The following WDR86 variants were observed in gnomAD, a reference collection of about 807,000 sequenced individuals.
WDR86 encodes the protein WD repeat-containing protein 86.
A neutral mutation model predicts 36.5 loss-of-function variants in WDR86; 30 were observed. The observed-to-expected ratio is 0.82, with a 90% CI of 0.61 to 1.11. The LOEUF is 1.11. Among genes scored for constraint, WDR86 ranks in the 50% most tolerant of loss-of-function variants. The probability of loss-of-function intolerance (pLI) is 0.00; values close to 1 mark genes in which losing one functional copy is unlikely to be tolerated. For synonymous variants in WDR86, 255 were observed against 252.9 expected (o/e 1.01, Z -0.08); for missense variants, 545 against 561.2 (o/e 0.97, Z 0.29).
rs913133360 is a variant in WDR86 at position 151,409,569 on chromosome 7, G to C, written c.21C>G (p.Ala7=). ...CGCGGTGGTCGGCGCAGACCCTCAG[G>C]GCCGACCCGCCGCCCCCCATCCCGC... MGGGGS[A]LRVCADHRGG... Residue 7 remains alanine (A), a synonymous_variant, in exon 1 of 6, where the codon GCC becomes GCG. Transcript: ENST00000334493. This position sits in a 1 kb window ranked among gnomAD's most constrained non-coding sequence, Gnocchi z 5.2. 39 of 1,420,128 alleles carry C rather than the reference G, an allele frequency of 2.7e-5. No individual in the cohort carries two copies. In the African/African-American group the frequency reaches 5.5e-4, roughly 20 times the overall value. 88.0% of individuals were successfully genotyped at this position (1,420,128 alleles called of 1,614,324 possible).
chr7:151,403,460 TG>T (rs1454309748), intron 1 of WDR86, among the ~76,000 whole-genome samples: 2 of 152,212 alleles, frequency 1.3e-5, no homozygotes, highest in African/African-American at 4.8e-5. Context: ...TAGAATTTCC[TG>T]GGTAGTTTCA....
At position 151,401,549 on chromosome 7, in the gene WDR86, C is replaced by T. The variant is rs981517397; in HGVS notation, c.164-1308G>A. ...ATGTAGCGCAGACTGAGGACAGAGGCAGCCGCAGAGGGAATGGCACATGTT... is the reference window on the plus strand; with the variant it reads ...ATGTAGCGCAGACTGAGGACAGAGGTAGCCGCAGAGGGAATGGCACATGTT... On this transcript the variant is annotated intron_variant, in intron 1 of 5. Coordinates refer to ENST00000334493, the MANE Select transcript of WDR86 (RefSeq NM_198285.3). The surrounding 1 kb of genome is among the most constrained non-coding windows in gnomAD (Gnocchi z 4.3). Among the ~76,000 whole-genome samples, 5 of 152,310 alleles carry T rather than the reference C, an allele frequency of 3.3e-5. No homozygotes were observed. The South Asian group carries it at 1.0e-3, about 32-fold the overall frequency.
downstream of WDR86, chr7:151,374,291 C>T (rs1563031074): frequency 6.5e-7 from 1 of 1,542,146 alleles, no homozygotes; most frequent in East Asian, 2.4e-5. Context: ...GCAGTGGGTC[C>T]TGCCCAGAGC....
In WDR86 at chr7:151,399,997, G is replaced by A; in HGVS notation, c.305+103C>T. 4 of 1,189,172 alleles carry A rather than the reference G, an allele frequency of 3.4e-6. No individual in the cohort carries two copies. In the South Asian group the frequency reaches 6.4e-5, roughly 19 times the overall value. 73.7% of individuals were successfully genotyped at this position (1,189,172 alleles called of 1,614,324 possible). A position where few individuals can be genotyped will look rare whatever the true frequency, so the allele number is the denominator to read the frequency against. ...CTGTCCACGTTTTTGCTTCCCCAGAGAGCCAAGGGCCCTCACGTGCAGGGG... is the reference window on the plus strand; with the variant it reads ...CTGTCCACGTTTTTGCTTCCCCAGAAAGCCAAGGGCCCTCACGTGCAGGGG... On this transcript the variant is annotated intron_variant, in intron 2 of 5. Transcript: ENST00000334493.
downstream of WDR86, chr7:151,377,209 C>CGACA (rs1563034735): frequency 1.3e-6 from 2 of 1,546,298 alleles, no homozygotes; most frequent in Non-Finnish European, 1.7e-6. Context: ...AGGAAGTCAG[C>CGACA]AACAAAGAAA....
At chr7:151,394,863 G>C (rs980991490) in intron 3 of WDR86, among the ~76,000 whole-genome samples, 1 of 152,254 alleles carries the variant, frequency 6.6e-6, no homozygotes, top group African/African-American at 2.4e-5. Context: ...CAGGCACCGG[G>C]ATGTTCGAAG....
chr7:151,381,906 C>T lies in WDR86; in HGVS notation c.938G>A (p.Gly313Asp). The T allele has an allele frequency of 1.2e-6, 2 of 1,610,338 alleles. No homozygotes were observed. Among genetic ancestry groups the T allele is most frequent in the South Asian group, 1.1e-5 (1 of 90,566 alleles). The change falls in exon 5 of 6, where the codon GGC becomes GAC. Residue 313 changes from glycine (G) to aspartate (D), a missense_variant. Gly to Asp is a moderately conservative substitution (Grantham distance 94). Coordinates refer to ENST00000334493, the MANE Select transcript of WDR86 (RefSeq NM_198285.3). This position sits in a 1 kb window ranked among gnomAD's most constrained non-coding sequence, Gnocchi z 4.8. ...QSGELRRVFR[G>D]HTFIINCIQV... ...GATGCAGTTGATGATGAATGTGTGG[C>T]CCCGGAACACCCTCCGCAGCTCTCC...
chr7:151,387,628 C>T (rs996042374), intron 3 of WDR86, among the ~76,000 whole-genome samples: 36 of 152,070 alleles, frequency 2.4e-4, no homozygotes, highest in Admixed American at 1.9e-3. Context: ...GGCACCGGCC[C>T]GGGGCTCCGC....
At chr7:151,378,058 TG>T (rs994556007), downstream of WDR86, 2 of 152,252 alleles carry the variant, frequency 1.3e-5, no homozygotes, top group African/African-American at 4.8e-5. Flanking sequence ...CCAGGTTTTT[TG>T]TGGGTTTTCT....
chr7:151,387,157 G>A (rs535578381), intron 3 of WDR86, among the ~76,000 whole-genome samples: 1 of 152,300 alleles, frequency 6.6e-6, no homozygotes, highest in South Asian at 2.1e-4. Context: ...GGCAAGGGTG[G>A]AATGTTTGAG....
chr7:151,395,911 C>G lies in WDR86; in HGVS notation c.591G>C (p.Leu197=). 2 of 1,601,264 alleles carry G rather than the reference C, an allele frequency of 1.2e-6. No homozygotes were observed. The highest frequency in any genetic ancestry group is 1.1e-5 in the South Asian group (1 of 89,478). Residue 197 remains leucine, a synonymous_variant, in exon 3 of 6, where the codon CTG becomes CTC. Transcript: ENST00000334493. ...QTLRGHTGAV[L]CLVLDTPGHT... is the part of the protein sequence containing the mutation. ...GGCCGGGCGTGTCTAGCACTAGGCACAGCACTGCACCCGTGTGGCCCCGCA... is the reference window on the plus strand; with the variant it reads ...GGCCGGGCGTGTCTAGCACTAGGCAGAGCACTGCACCCGTGTGGCCCCGCA...
At chr7:151,385,375 G>C in intron 3 of WDR86, 152 bp from the exon 4 acceptor site, 1 of 1,346,054 alleles carries the variant, frequency 7.4e-7, no homozygotes. Context: ...CCACCAGACT[G>C]CCCACTTCAG....
In WDR86 at chr7:151,409,419, G is replaced by T; in HGVS notation, c.163+8C>A. On this transcript the variant is annotated splice_region_variant and intron_variant, in intron 1 of 5. Coordinates refer to ENST00000334493, the MANE Select transcript of WDR86 (RefSeq NM_198285.3). This position sits in a 1 kb window ranked among gnomAD's most constrained non-coding sequence, Gnocchi z 5.2. Reference sequence around the variant, plus strand: ...CGAAGAGGTCAGGGAGGGAGTGGGAGGGTCTACCTTGCAGGAGCGCGCAGC... The same window carrying T: ...CGAAGAGGTCAGGGAGGGAGTGGGATGGTCTACCTTGCAGGAGCGCGCAGC... The T allele has an allele frequency of 6.4e-7, 1 of 1,555,308 alleles. No individual in the cohort carries two copies.
rs1261469526 is a variant in WDR86, at chr7:151,406,094, C to T, written c.163+3333G>A. On this transcript the variant is annotated intron_variant, in intron 1 of 5. Transcript: ENST00000334493. This position sits in a 1 kb window ranked among gnomAD's most constrained non-coding sequence, Gnocchi z 4.4. ...AATTCTTCTCTTTGCAGAGTAATTG[C>T]AATGAAGCCTTTTTCACTGTGAGCT... 6.6e-6 allele frequency among the ~76,000 whole-genome samples: 1 copy of T among 152,180 alleles called. No homozygotes were observed. Among genetic ancestry groups the T allele is most frequent in the South Asian group, 2.1e-4 (1 of 4,830 alleles).
chr7:151,400,839 C>T (rs986746836), intron 1 of WDR86, among the ~76,000 whole-genome samples: 8 of 152,242 alleles, frequency 5.3e-5, no homozygotes, highest in Non-Finnish European at 1.0e-4. Context: ...CCCCAGCATT[C>T]GCACTGCAGG....
the WDR86 span, chr7:151,369,012 C>CT: frequency 0.038 from 36,333 of 945,584 alleles, no homozygotes; most frequent in South Asian, 0.053. Flanking sequence ...GAAACTTGTC[C>CT]TTTTTTTTTT....
rs762963255 is a variant in WDR86, at chr7:151,381,436, A to G, written c.*146T>C. On this transcript the variant is annotated 3_prime_UTR_variant, in exon 6 of 6. Coordinates refer to ENST00000334493, the MANE Select transcript of WDR86 (RefSeq NM_198285.3). The surrounding 1 kb of genome is among the most constrained non-coding windows in gnomAD (Gnocchi z 4.8). ...CTCCTGGCCACCAAAGAAAAACCAG[A>G]CGCCTGCGACGGGCTCTCCTCCCGC... 2.7e-6 allele frequency: 4 copies of G among 1,490,720 alleles called. No homozygotes were observed. The South Asian group carries it at 5.0e-5, about 19-fold the overall frequency. The allele number at this position is 1,490,720 out of a possible 1,614,324, so 92.3% of individuals were successfully genotyped here.
Position 151,381,578 on chromosome 7 carries a change from G to C in WDR86, c.*4C>G. The C allele has an allele frequency of 7.3e-7, 1 of 1,370,626 alleles. No individual in the cohort carries two copies. Among genetic ancestry groups the C allele is most frequent in the Non-Finnish European group, 9.3e-7 (1 of 1,071,870 alleles). 84.9% of individuals were successfully genotyped at this position (1,370,626 alleles called of 1,614,324 possible). A position where few individuals can be genotyped will look rare whatever the true frequency, so the allele number is the denominator to read the frequency against. On this transcript the variant is annotated 3_prime_UTR_variant, in exon 6 of 6. Coordinates refer to ENST00000334493, the MANE Select transcript of WDR86 (RefSeq NM_198285.3). This position sits in a 1 kb window ranked among gnomAD's most constrained non-coding sequence, Gnocchi z 4.8. ...GGGCTGGCGTCTGCAGGGGCCCCGCGGGATCAGGCCGGCTGCAGGGGCGCG... is the reference window on the plus strand; with the variant it reads ...GGGCTGGCGTCTGCAGGGGCCCCGCCGGATCAGGCCGGCTGCAGGGGCGCG...
rs374109716 is a variant in WDR86 at position 151,384,232 on chromosome 7, C to T, written c.862+856G>A. Among the ~76,000 whole-genome samples, 9 of 152,336 alleles carry T rather than the reference C, an allele frequency of 5.9e-5. No homozygotes were observed. In the South Asian group the frequency reaches 1.9e-3, roughly 32 times the overall value. The stretch of plus-strand genomic sequence containing the variant: ...GTGTGACAAGTTGAGACCTGTAGGA[C>T]AGACAGCAGGTTGCCTGCCCAACAA... On this transcript the variant is annotated intron_variant, in intron 4 of 5. Coordinates refer to ENST00000334493, the MANE Select transcript of WDR86 (RefSeq NM_198285.3).
Sources: allele counts gnomAD v4.1 joint callset (sites outside exome capture counted in the v4.1 genomes callset), GRCh38; gene constraint gnomAD v4.1.1; non-coding constraint Gnocchi (gnomAD v3.1); transcripts MANE v1.5; gene names NCBI Gene and HGNC (gene_info 2026-07-23, HGNC 2026-07-21).